Variants in PEBP4 observed in about 807,000 individuals in gnomAD.
PEBP4 encodes phosphatidylethanolamine binding protein 4, also known as phosphatidylethanolamine-binding protein 4.
PEBP4 carries 22 observed loss-of-function variants against 23.9 expected under a neutral mutation model. The ratio of observed to expected loss-of-function variants is 0.92; its 90% CI spans 0.66 to 1.31. The LOEUF (loss-of-function observed/expected upper bound fraction) is 1.31. PEBP4 is among the 40% of genes most tolerant of loss of function. PEBP4 has a pLI of 0.00. For missense variants in PEBP4, 324 were observed against 281.7 expected, an observed-to-expected ratio of 1.15 and a Z score of -1.07; for synonymous variants, 112 against 99.3, an observed-to-expected ratio of 1.13 and a Z score of -0.76.
chr8:22,741,709 G>A (rs936233665), intron 4 of PEBP4, among the ~76,000 whole-genome samples: 53 of 152,358 alleles, frequency 3.5e-4, no homozygotes, highest in Non-Finnish European at 6.6e-4. Flanking sequence ...AGGTTTGTGT[G>A]CAGAGGAGGA....
At chr8:22,766,245 G>A (rs370940023) in intron 4 of PEBP4, among the ~76,000 whole-genome samples, 26 of 152,252 alleles carry the variant, frequency 1.7e-4, no homozygotes, top group African/African-American at 5.5e-4. Context: ...GGCCATTCAT[G>A]CCTGTGGGAC....
intron 3 of PEBP4, among the ~76,000 whole-genome samples, chr8:22,835,137 G>GCTGTGGCTTAGGGAGTTATTTACTGT (rs1807174918): frequency 1.3e-5 from 2 of 152,182 alleles, no homozygotes; most frequent in Non-Finnish European, 2.9e-5. Context: ...CTACATATAG[G>GCTGTGGCTTAGGGAGTTATTTACTGT]CTGTGGCTTA....
At position 22,899,357 on chromosome 8, in the gene PEBP4, C is replaced by T. The variant is rs2128776449; in HGVS notation, c.258+20827G>A. Among the ~76,000 whole-genome samples, 2 of 152,330 alleles carry T rather than the reference C, an allele frequency of 1.3e-5. 1 individual carries two copies. The highest frequency in any genetic ancestry group is 6.8e-3 in the Middle Eastern group (2 of 294). Reference sequence around the variant, plus strand: ...TGTGGAGCCTTGGCCCATGGAAAGGCAGAGAGAATGGCTCTCATGTCCCTA... The same window carrying T: ...TGTGGAGCCTTGGCCCATGGAAAGGTAGAGAGAATGGCTCTCATGTCCCTA... On this transcript the variant is annotated intron_variant, in intron 3 of 6. Coordinates refer to ENST00000256404, the MANE Select transcript of PEBP4 (RefSeq NM_144962.3).
chr8:22,882,181 T>A (rs1479573741), intron 3 of PEBP4, among the ~76,000 whole-genome samples: 1 of 152,216 alleles, frequency 6.6e-6, no homozygotes, highest in East Asian at 1.9e-4. Context: ...CTGGGATCCA[T>A]CCTATCACTT....
At chr8:22,931,014 C>T (rs1205292461), upstream of PEBP4, among the ~76,000 whole-genome samples, 1 of 152,130 alleles carries the variant, frequency 6.6e-6, no homozygotes. Context: ...ATCTGTTGGA[C>T]CACTGCTGCT....
intron 3 of PEBP4, among the ~76,000 whole-genome samples, chr8:22,831,104 T>A (rs1010161759): frequency 3.9e-5 from 6 of 152,196 alleles, no homozygotes; most frequent in African/African-American, 1.4e-4. Context: ...CACCTTTGCA[T>A]ATGTTTTCTC....
chr8:22,917,115 C>A (rs1219997937), intron 3 of PEBP4, among the ~76,000 whole-genome samples: 1 of 57,930 alleles, frequency 1.7e-5, no homozygotes, highest in Non-Finnish European at 2.9e-5. Flanking sequence ...TTGGAGTTTG[C>A]TGGGGGCGGG....
chr8:22,908,780 C>T (rs1456418884), intron 3 of PEBP4, among the ~76,000 whole-genome samples: 2 of 152,148 alleles, frequency 1.3e-5, no homozygotes, highest in Admixed American at 1.3e-4. Flanking sequence ...GGACTGACAG[C>T]GCAATTTTTA....
intron 2 of PEBP4, among the ~76,000 whole-genome samples, chr8:22,924,351 A>C (rs1053697328): frequency 1.3e-5 from 2 of 152,156 alleles, no homozygotes; most frequent in African/African-American, 4.8e-5. Flanking sequence ...GTGACAGACA[A>C]GACTCTGTCT....
In PEBP4 at chr8:22,759,876, G is replaced by A. The variant is rs1419730177; in HGVS notation, c.358-32656C>T. On this transcript the variant is annotated intron_variant, in intron 4 of 6. Coordinates refer to ENST00000256404, the MANE Select transcript of PEBP4 (RefSeq NM_144962.3). ...CGGAGCTCAAGGCAGCGTCTCAGTG[G>A]TTTGCTCATTTCTGCACATGCTTGC... Among the ~76,000 whole-genome samples, 3 of 152,152 alleles carry A rather than the reference G, an allele frequency of 2.0e-5. No homozygotes were observed. In the East Asian group the frequency reaches 5.8e-4, roughly 29 times the overall value.
At chr8:22,822,105 T>C (rs1289906190) in intron 3 of PEBP4, among the ~76,000 whole-genome samples, 5 of 151,894 alleles carry the variant, frequency 3.3e-5, no homozygotes, top group African/African-American at 1.2e-4. Context: ...ATCACAGTCA[T>C]CAAGGCAGAT....
intron 2 of PEBP4, among the ~76,000 whole-genome samples, chr8:22,923,193 G>A (rs912612600): frequency 6.6e-6 from 1 of 152,156 alleles, no homozygotes; most frequent in Non-Finnish European, 1.5e-5. Context: ...CGCACCACAC[G>A]TTTTCCCTAG....
chr8:22,729,578 GC>G (rs1804690430), intron 4 of PEBP4, among the ~76,000 whole-genome samples: 1 of 152,216 alleles, frequency 6.6e-6, no homozygotes, highest in South Asian at 2.1e-4. Context: ...ACTCTGGGGA[GC>G]TTTTCTTATC....
intron 3 of PEBP4, among the ~76,000 whole-genome samples, chr8:22,881,686 C>T (rs191923597): frequency 6.6e-6 from 1 of 152,250 alleles, no homozygotes; most frequent in Non-Finnish European, 1.5e-5. Context: ...GAATGAATCT[C>T]TGTTGCTGCC....
intron 3 of PEBP4, among the ~76,000 whole-genome samples, chr8:22,821,332 A>G (rs1806852859): frequency 1.3e-5 from 2 of 152,200 alleles, no homozygotes; most frequent in South Asian, 4.1e-4. Context: ...TTTCCATTCA[A>G]ATAGTAGTAA....
chr8:22,737,914 G>C (rs1383691226), intron 4 of PEBP4, among the ~76,000 whole-genome samples: 11 of 152,184 alleles, frequency 7.2e-5, no homozygotes, highest in Non-Finnish European at 5.9e-5. Flanking sequence ...GCTCCCGGCG[G>C]GACCCTGGAG....
intron 4 of PEBP4, among the ~76,000 whole-genome samples, chr8:22,764,140 C>G (rs1805563871): frequency 6.6e-6 from 1 of 152,148 alleles, no homozygotes. Flanking sequence ...CAAATTTGGG[C>G]TTCCATTACT....
At chr8:22,845,479 C>T (rs866156460) in intron 3 of PEBP4, among the ~76,000 whole-genome samples, 2 of 152,098 alleles carry the variant, frequency 1.3e-5, no homozygotes, top group African/African-American at 4.8e-5. Flanking sequence ...GCCATGGGTG[C>T]ATCATGGCAC....
At chr8:22,856,500 T>G (rs886819493) in intron 3 of PEBP4, among the ~76,000 whole-genome samples, 1 of 152,134 alleles carries the variant, frequency 6.6e-6, no homozygotes, top group African/African-American at 2.4e-5. Flanking sequence ...GCGGATTACT[T>G]GAGGCCAGGA....
Sources: allele counts gnomAD v4.1 joint callset (sites outside exome capture counted in the v4.1 genomes callset), GRCh38; gene constraint gnomAD v4.1.1; transcripts MANE v1.5; gene names NCBI Gene and HGNC (gene_info 2026-07-23, HGNC 2026-07-21).